SLMAP: variants seen among roughly 807,000 people sequenced by gnomAD.
SLMAP encodes sarcolemma associated protein.
Under a neutral mutation model 128.8 loss-of-function variants are expected in SLMAP, and 44 were observed. The ratio of observed to expected loss-of-function variants is 0.34; its 90% CI spans 0.27 to 0.44. The LOEUF (loss-of-function observed/expected upper bound fraction) is 0.44. SLMAP is among the 20% of genes least tolerant of loss of function. SLMAP has a pLI of 1.00. For missense variants in SLMAP, 787 were observed against 985.3 expected (o/e 0.80, Z 2.69); for synonymous variants, 327 against 348.8 (o/e 0.94, Z 0.70).
chr3:57,857,159 C>T (rs2094831543), intron 6 of SLMAP, among the ~76,000 whole-genome samples: 1 of 152,012 alleles, frequency 6.6e-6, no homozygotes, highest in Non-Finnish European at 1.5e-5. Context: ...AAACAAAAAA[C>T]AGGTGACTTG....
At chr3:57,904,799 C>T (rs1374445230) in intron 17 of SLMAP, among the ~76,000 whole-genome samples, 1 of 152,072 alleles carries the variant, frequency 6.6e-6, no homozygotes, top group Non-Finnish European at 1.5e-5. Flanking sequence ...TGAATCTAGT[C>T]GATAGAGACC....
chr3:57,842,627 G>T (rs1437988542), intron 4 of SLMAP, among the ~76,000 whole-genome samples: 2 of 152,096 alleles, frequency 1.3e-5, no homozygotes, highest in African/African-American at 2.4e-5. Flanking sequence ...AATCATCTGT[G>T]TTCTCAGGTT....
At position 57,791,645 on chromosome 3, in the gene SLMAP, CAAAT is replaced by C. The variant is rs1343202421; in HGVS notation, c.198+33801_198+33804del. Among the ~76,000 whole-genome samples the C allele has an allele frequency of 4.6e-5, 7 of 152,106 alleles. No homozygotes were observed. In the East Asian group the frequency reaches 1.3e-3, roughly 29 times the overall value. On this transcript the variant is annotated intron_variant, in intron 2 of 24. Transcript: ENST00000671191. ...TTTAAAGTTCATTTCGATAAACTAT[CAAAT>C]AAATTTCTATTTCAACAGAAAATCC... is the stretch of plus-strand genomic sequence containing the variant.
chr3:57,853,957 ATAT>A (rs2094610302), intron 6 of SLMAP, among the ~76,000 whole-genome samples: 2 of 38,454 alleles, frequency 5.2e-5, no homozygotes. Flanking sequence ...AAAAAAAATT[ATAT>A]ATATATATAT....
chr3:57,877,766 T>A (rs2095637070), intron 14 of SLMAP, among the ~76,000 whole-genome samples: 1 of 152,046 alleles, frequency 6.6e-6, no homozygotes, highest in South Asian at 2.1e-4. Flanking sequence ...GTTTCCATAT[T>A]CTTGAAATTG....
intron 2 of SLMAP, among the ~76,000 whole-genome samples, chr3:57,817,633 C>G (rs1560098493): frequency 3.9e-5 from 6 of 152,182 alleles, no homozygotes. Context: ...TATGTTTTAA[C>G]TCCTCATTCT....
At chr3:57,853,651 A>G (rs1577674396) in intron 6 of SLMAP, among the ~76,000 whole-genome samples, 1 of 151,958 alleles carries the variant, frequency 6.6e-6, no homozygotes, top group Non-Finnish European at 1.5e-5. Context: ...TCTGTAAAAT[A>G]TATCTTTGGG....
intron 2 of SLMAP, among the ~76,000 whole-genome samples, chr3:57,785,390 G>C (rs1190216624): frequency 6.6e-6 from 1 of 152,008 alleles, no homozygotes; most frequent in East Asian, 1.9e-4. Context: ...TAGAACAAAG[G>C]GCATAACCTT....
chr3:57,901,495 A>G (rs1455357713), intron 17 of SLMAP: 1 of 152,196 alleles, frequency 6.6e-6, no homozygotes, highest in African/African-American at 2.4e-5. Context: ...ACCATATGTG[A>G]TATATTCAGT....
chr3:57,798,355 T>C (rs2087290907), intron 2 of SLMAP, among the ~76,000 whole-genome samples: 1 of 152,224 alleles, frequency 6.6e-6, no homozygotes, highest in African/African-American at 2.4e-5. Flanking sequence ...AGTTACCTCA[T>C]TGATGAGGGT....
chr3:57,757,500 G>A lies in SLMAP; in HGVS notation c.-152G>A. 1 of 682,912 alleles carries A rather than the reference G, an allele frequency of 1.5e-6. No homozygotes were observed. The allele number at this position is 682,912 out of a possible 1,614,324, so 42.3% of individuals were successfully genotyped here. On this transcript the variant is annotated 5_prime_UTR_variant, in exon 2 of 25. Coordinates refer to ENST00000671191, the MANE Select transcript of SLMAP (RefSeq NM_001377540.1). ...GCTTGTCTTCCCACCCAAGTGAAGA[G>A]TTGATGTTCACTGGTTATGCTTAGA...
chr3:57,898,349 GAAA>G (rs2096288525), intron 17 of SLMAP: 1 of 152,092 alleles, frequency 6.6e-6, no homozygotes, highest in East Asian at 1.9e-4. Context: ...GGAACGTGGA[GAAA>G]AAAGAAGGGA....
At chr3:57,922,816 A>G in intron 22 of SLMAP, 73 bp from the exon 23 acceptor site, 1 of 1,418,292 alleles carries the variant, frequency 7.1e-7, no homozygotes, top group Non-Finnish European at 9.7e-7. Context: ...TCTGGCGTAT[A>G]AACCTGATTA....
intron 14 of SLMAP, among the ~76,000 whole-genome samples, chr3:57,873,049 T>G (rs963624535): frequency 6.6e-6 from 1 of 152,216 alleles, no homozygotes; most frequent in African/African-American, 2.4e-5. Flanking sequence ...AAATCAAATG[T>G]TATACTCCTT....
chr3:57,913,456 C>T (rs533675920), intron 21 of SLMAP, among the ~76,000 whole-genome samples, 181 bp downstream of exon 21: 1 of 151,604 alleles, frequency 6.6e-6, no homozygotes, highest in South Asian at 2.1e-4. Context: ...TTTTTCCTGC[C>T]ACCACCATTA....
intron 2 of SLMAP, among the ~76,000 whole-genome samples, chr3:57,789,459 C>T (rs150931447): frequency 1.3e-3 from 205 of 152,154 alleles, no homozygotes; most frequent in African/African-American, 4.7e-3. Context: ...CCAGGGTGTT[C>T]AGACATCACC....
chr3:57,801,018 C>G (rs2153492568), intron 2 of SLMAP: 2 of 249,880 alleles, frequency 8.0e-6, no homozygotes, highest in Non-Finnish European at 1.6e-5. Flanking sequence ...CCTGTAAGCT[C>G]TACAAGAATT....
intron 15 of SLMAP, chr3:57,890,308 G>A: frequency 2.2e-6 from 1 of 453,138 alleles, no homozygotes; most frequent in Non-Finnish European, 3.9e-6. Context: ...TTTTTAAGTG[G>A]ATGTATATTT....
Position 57,896,572 on chromosome 3 carries a change from A to C in SLMAP, c.1422A>C (p.Lys474Asn). The C allele has an allele frequency of 6.2e-7, 1 of 1,610,518 alleles. No homozygotes were observed. The highest frequency in any genetic ancestry group is 8.5e-7 in the Non-Finnish European group (1 of 1,178,576). The change falls in exon 16 of 25, where the codon AAA becomes AAC. Residue 474 changes from lysine (K) to asparagine (N), a missense_variant. Physicochemically the swap from Lys to Asn is moderately conservative, Grantham distance 94. Around this residue, in one of 2 missense-constraint regions of SLMAP, gnomAD observed 715 missense variants for 843.6 expected, o/e 0.85. Transcript: ENST00000671191. Reference sequence around the variant, plus strand: ...ATACTCTGAGTCCAAGCAAGGAAAAAAGCAGTGACGACACTACAGGTGAGT... The same window carrying C: ...ATACTCTGAGTCCAAGCAAGGAAAACAGCAGTGACGACACTACAGGTGAGT... Reference protein sequence around the residue: ...FSDTLSPSKEKSSDDTTDAQM... With the variant: ...FSDTLSPSKENSSDDTTDAQM...
Sources: gnomAD v4.1 joint callset for allele counts (sites outside exome capture counted in the v4.1 genomes callset) on GRCh38, gnomAD v4.1.1 for gene constraint, gnomAD v4.1.1 regional missense constraint, MANE v1.5 for transcripts, NCBI Gene and HGNC (gene_info 2026-07-23, HGNC 2026-07-21) for gene names.